Variants in DUOX1 observed in about 807,000 individuals in gnomAD.
DUOX1 encodes the protein dual oxidase 1, also known as NADPH thyroid oxidase 1.
A neutral mutation model predicts 181.8 loss-of-function variants in DUOX1; 134 were observed. The ratio of observed to expected loss-of-function variants is 0.74; its 90% CI spans 0.64 to 0.85. The LOEUF (loss-of-function observed/expected upper bound fraction) is 0.85. DUOX1 is among the 40% of genes least tolerant of loss of function. The pLI is 0.00. For missense variants in DUOX1, 1,814 were observed against 2,064.4 expected, an observed-to-expected ratio of 0.88 and a Z score of 2.35; for synonymous variants, 798 against 832.5, an observed-to-expected ratio of 0.96 and a Z score of 0.71.
In DUOX1 at chr15:45,143,308, G is replaced by T; in HGVS notation, c.1936+5G>T. 2 of 1,612,690 alleles carry T rather than the reference G, an allele frequency of 1.2e-6. No individual in the cohort carries two copies. Among genetic ancestry groups the T allele is most frequent in the South Asian group, 1.1e-5 (1 of 91,020 alleles). On this transcript the variant is annotated splice_donor_5th_base_variant and intron_variant, in intron 16 of 33. Transcript: ENST00000389037. ...AGCTCGTGGGAGGCATGGAAGGTAG[G>T]TCTAGGGCTGGCCAGGGTGGTGGTA...
At chr15:45,132,108 G>T in intron 2 of DUOX1, 84 bp downstream of exon 2, 1 of 1,230,424 alleles carries the variant, frequency 8.1e-7, no homozygotes, top group Admixed American at 2.4e-5. Flanking sequence ...GGATCCATTT[G>T]ATATTCATCT....
At chr15:45,136,192 G>A (rs3817194) in intron 7 of DUOX1, among the ~76,000 whole-genome samples, 158 bp from the exon 8 acceptor site, 55,711 of 150,426 alleles carry the variant, frequency 0.37, 9,802 homozygotes, top group South Asian at 0.52. Flanking sequence ...CTGGTTCCTT[G>A]TGGGGACAGG....
chr15:45,135,304 A>G lies in DUOX1; in HGVS notation c.495+13A>G. ...TCCCCGGGACCCGGTGAGGCGGGGA[A>G]GGCGGCGGGAAGGGACCGCACCCCA... On this transcript the variant is annotated intron_variant, in intron 5 of 33. Transcript: ENST00000389037. 1 of 1,593,086 alleles carries G rather than the reference A, an allele frequency of 6.3e-7. No individual in the cohort carries two copies. The highest frequency in any genetic ancestry group is 8.5e-7 in the Non-Finnish European group (1 of 1,170,714).
intron 23 of DUOX1, 104 bp from the exon 24 acceptor site, chr15:45,151,770 A>G: frequency 8.4e-7 from 1 of 1,194,222 alleles, no homozygotes; most frequent in Non-Finnish European, 1.2e-6. Context: ...TCTCGGAAGC[A>G]GTGGGCTTCC....
intron 21 of DUOX1, 146 bp downstream of exon 21, chr15:45,148,593 C>T: frequency 2.7e-6 from 2 of 753,816 alleles, no homozygotes; most frequent in Non-Finnish European, 4.0e-6. Context: ...AATAATGTAT[C>T]CAATCTGGAT....
intron 1 of DUOX1, among the ~76,000 whole-genome samples, 186 bp downstream of exon 1, chr15:45,130,284 C>T (rs1199503002): frequency 6.6e-6 from 1 of 152,226 alleles, no homozygotes. Flanking sequence ...GTCCTCTGCC[C>T]AATCAAGGTT....
chr15:45,145,444 G>A (rs1896626591), intron 18 of DUOX1, among the ~76,000 whole-genome samples: 1 of 152,192 alleles, frequency 6.6e-6, no homozygotes, highest in Admixed American at 6.5e-5. Flanking sequence ...ACCCCTTCTT[G>A]GGGGAGTGCA....
intron 12 of DUOX1, 141 bp downstream of exon 12, chr15:45,139,740 C>T (rs1464668206): frequency 2.4e-5 from 23 of 945,264 alleles, no homozygotes; most frequent in Non-Finnish European, 3.5e-5. Context: ...ATCACTTTTC[C>T]CAATATTACA....
chr15:45,133,952 G>A lies in DUOX1; in HGVS notation c.142+5G>A, dbSNP rs1896216704. 2 of 1,613,756 alleles carry A rather than the reference G, an allele frequency of 1.2e-6. No homozygotes were observed. The highest frequency in any genetic ancestry group is 1.7e-5 in the Admixed American group (1 of 59,984). The stretch of plus-strand genomic sequence containing the variant: ...AGCACAGATGGGGCAGCAAAGGTAA[G>A]TGAGAGCCAAGTGGGGATAGAACCC... On this transcript the variant is annotated splice_donor_5th_base_variant and intron_variant, in intron 3 of 33. Transcript: ENST00000389037.
At chr15:45,145,218 A>G (rs1896619723) in intron 18 of DUOX1, 138 bp downstream of exon 18, 3 of 814,034 alleles carry the variant, frequency 3.7e-6, no homozygotes, top group East Asian at 2.9e-5. Flanking sequence ...TGGATGAATC[A>G]CCAGACTTTA....
At position 45,153,493 on chromosome 15, in the gene DUOX1, AAT is replaced by A. The variant is rs760297837; in HGVS notation, c.3524+15_3524+16del. 0.4 allele frequency: 470,595 copies of A among 1,191,280 alleles called. 140,156 individuals are homozygous for A. Among genetic ancestry groups the A allele is most frequent in the Non-Finnish European group, 0.43 (350,258 of 805,396 alleles). The allele number at this position is 1,191,280 out of a possible 1,614,324, so 73.8% of individuals were successfully genotyped here. A position where few individuals can be genotyped will look rare whatever the true frequency, so the allele number is the denominator to read the frequency against. On this transcript the variant is annotated intron_variant, in intron 26 of 33. Coordinates refer to ENST00000389037, the MANE Select transcript of DUOX1 (RefSeq NM_175940.3). ...CCATGATGATGGGTGAGTAAGTGCG[AAT>A]GTGTGTGTGTGTGTGTGTGTGTGTG... is the stretch of plus-strand genomic sequence containing the variant.
At chr15:45,137,464 A>T (rs1896354175) in intron 9 of DUOX1, among the ~76,000 whole-genome samples, 2 of 151,274 alleles carry the variant, frequency 1.3e-5, no homozygotes, top group Non-Finnish European at 2.9e-5. Context: ...CAATTGCTTT[A>T]TAATTTAAAA....
chr15:45,130,195 C>T (rs1379566834), intron 1 of DUOX1, 97 bp downstream of exon 1: 1 of 152,232 alleles, frequency 6.6e-6, no homozygotes, highest in Non-Finnish European at 1.5e-5. Context: ...AGCTCCTCCA[C>T]GTTATGGAAG....
chr15:45,162,110 C>T, intron 30 of DUOX1, 109 bp from the exon 31 acceptor site: 3 of 1,484,706 alleles, frequency 2.0e-6, no homozygotes, highest in Non-Finnish European at 2.8e-6. Flanking sequence ...CACAAATCCT[C>T]CTCTTCCCCT....
chr15:45,143,446 G>A (rs1896560426), intron 16 of DUOX1, 143 bp downstream of exon 16: 1 of 649,432 alleles, frequency 1.5e-6, no homozygotes, highest in Admixed American at 2.8e-5. Flanking sequence ...AGCAGAAGTT[G>A]GACATGGAGT....
chr15:45,153,832 A>G, intron 26 of DUOX1, 119 bp from the exon 27 acceptor site: 5 of 912,682 alleles, frequency 5.5e-6, no homozygotes, highest in Non-Finnish European at 8.7e-6. Flanking sequence ...GGTTGCAGTG[A>G]GCCAAGATCA....
intron 29 of DUOX1, among the ~76,000 whole-genome samples, chr15:45,161,505 G>C (rs765674807): frequency 2.6e-5 from 4 of 151,560 alleles, no homozygotes; most frequent in Non-Finnish European, 5.9e-5. Context: ...TTTGCCAGGG[G>C]ACCTGAGCCT....
intron 2 of DUOX1, 88 bp downstream of exon 2, chr15:45,132,112 T>C (rs2141248896): frequency 1.7e-6 from 2 of 1,194,666 alleles, no homozygotes; most frequent in East Asian, 2.4e-5. Context: ...CCATTTGATA[T>C]TCATCTGTAT....
intron 5 of DUOX1, 89 bp downstream of exon 5, chr15:45,135,380 G>A: frequency 2.0e-6 from 3 of 1,495,094 alleles, no homozygotes; most frequent in African/African-American, 1.4e-5. Context: ...GGGGAGAGGC[G>A]CCCACTCCCC....
Sources: gnomAD v4.1 joint callset for allele counts (sites outside exome capture counted in the v4.1 genomes callset) on GRCh38, gnomAD v4.1.1 for gene constraint, MANE v1.5 for transcripts, NCBI Gene and HGNC (gene_info 2026-07-23, HGNC 2026-07-21) for gene names.